Variants in STK24 observed in about 807,000 individuals in gnomAD.
STK24 encodes serine/threonine kinase 24.
A neutral mutation model predicts 55.6 loss-of-function variants in STK24; 21 were observed. That is an observed-to-expected ratio of 0.38 (90% CI 0.27 to 0.54). The LOEUF (loss-of-function observed/expected upper bound fraction) is 0.54. STK24 is among the 20% of genes least tolerant of loss of function. The pLI is 0.79. For synonymous variants in STK24, 200 were observed against 215.2 expected (o/e 0.93, Z 0.62); for missense variants, 383 against 538.4 (o/e 0.71, Z 2.86).
chr13:98,459,112 A>T (rs117391589), intron 9 of STK24, among the ~76,000 whole-genome samples: 5 of 152,184 alleles, frequency 3.3e-5, no homozygotes, highest in African/African-American at 1.2e-4. Context: ...ACTTTCCCTA[A>T]CTGCCTGACT....
chr13:98,556,719 T>C (rs1407213666), intron 1 of STK24, among the ~76,000 whole-genome samples: 1 of 152,180 alleles, frequency 6.6e-6, no homozygotes, highest in East Asian at 1.9e-4. Flanking sequence ...TAGAGGCTTC[T>C]ACCCGATTTT....
chr13:98,518,883 G>C (rs562408829), intron 2 of STK24, among the ~76,000 whole-genome samples: 131 of 152,328 alleles, frequency 8.6e-4, no homozygotes, highest in Admixed American at 1.4e-3. Flanking sequence ...AATATCAAAA[G>C]ATTAACATTC....
intron 2 of STK24, among the ~76,000 whole-genome samples, chr13:98,503,024 G>GGTTTTTTTTTTTTTT (rs759314930): frequency 2.8e-5 from 3 of 107,084 alleles, no homozygotes; most frequent in East Asian, 2.4e-4. Flanking sequence ...CTTTCCATGT[G>GGTTTTTTTTTTTTTT]TTTTTTTTTT....
At chr13:98,542,876 G>A in intron 1 of STK24, 1 of 985,414 alleles carries the variant, frequency 1.0e-6, no homozygotes, top group Non-Finnish European at 1.2e-6. Context: ...TTGAAATCTA[G>A]ACCCCCTCAT....
chr13:98,463,641 C>T, intron 7 of STK24, 50 bp downstream of exon 7: 7 of 1,538,170 alleles, frequency 4.6e-6, no homozygotes, highest in Non-Finnish European at 6.1e-6. Flanking sequence ...TGACAAAGAC[C>T]AGCGGATCCC....
intron 2 of STK24, among the ~76,000 whole-genome samples, chr13:98,513,147 C>T (rs1478652878): frequency 1.3e-5 from 2 of 152,188 alleles, no homozygotes; most frequent in Admixed American, 1.3e-4. Flanking sequence ...GGACACACTG[C>T]CCCGAGTATG....
At chr13:98,542,851 T>C (rs1162714125) in intron 1 of STK24, 16 of 979,682 alleles carry the variant, frequency 1.6e-5, no homozygotes, top group Middle Eastern at 5.2e-4. Flanking sequence ...ACCCTGTATG[T>C]CCGTAAGAGG....
At chr13:98,494,771 T>C (rs539475123) in intron 2 of STK24, among the ~76,000 whole-genome samples, 1 of 152,328 alleles carries the variant, frequency 6.6e-6, no homozygotes, top group Admixed American at 6.5e-5. Context: ...ATAAGTTTGT[T>C]AGCCGAGAGC....
chr13:98,478,383 G>A (rs1256879218), intron 3 of STK24, among the ~76,000 whole-genome samples: 3 of 152,240 alleles, frequency 2.0e-5, no homozygotes, highest in African/African-American at 7.2e-5. Flanking sequence ...GCAGCCTGTG[G>A]TCAGGTGACT....
At chr13:98,556,406 C>T (rs570944811) in intron 1 of STK24, among the ~76,000 whole-genome samples, 2 of 152,330 alleles carry the variant, frequency 1.3e-5, no homozygotes, top group South Asian at 4.1e-4. Flanking sequence ...CCTCACGTTC[C>T]ACTGTACTGG....
At chr13:98,576,179 C>T in intron 1 of STK24, 1 of 985,372 alleles carries the variant, frequency 1.0e-6, no homozygotes, top group Non-Finnish European at 1.2e-6. Context: ...CCGGGCAAAG[C>T]CACTGCAAGT....
chr13:98,537,562 C>T (rs1401277290), intron 1 of STK24, among the ~76,000 whole-genome samples: 1 of 152,200 alleles, frequency 6.6e-6, no homozygotes, highest in Non-Finnish European at 1.5e-5. Flanking sequence ...GGCCTCACTA[C>T]CCACAGCAGG....
intron 9 of STK24, among the ~76,000 whole-genome samples, chr13:98,459,310 G>A (rs915706613): frequency 1.3e-5 from 2 of 152,252 alleles, no homozygotes; most frequent in Admixed American, 6.5e-5. Flanking sequence ...GGGCCTCCGC[G>A]TGCCCTGTGG....
intron 1 of STK24, among the ~76,000 whole-genome samples, chr13:98,567,724 A>T (rs1011144255): frequency 1.3e-5 from 2 of 152,122 alleles, no homozygotes; most frequent in Non-Finnish European, 2.9e-5. Context: ...TAGCTCTTGG[A>T]ATTTCCTCAC....
At chr13:98,502,137 C>A (rs556814310) in intron 2 of STK24, among the ~76,000 whole-genome samples, 1 of 152,316 alleles carries the variant, frequency 6.6e-6, no homozygotes, top group African/African-American at 2.4e-5. Flanking sequence ...TCCCAAAGGA[C>A]AACCCTGCCC....
At chr13:98,463,982 A>C (rs1351015773) in intron 6 of STK24, 146 bp from the exon 7 acceptor site, 5 of 923,048 alleles carry the variant, frequency 5.4e-6, no homozygotes, top group Non-Finnish European at 8.1e-6. Context: ...ACTGCAACTC[A>C]CCCAAAGACG....
intron 1 of STK24, among the ~76,000 whole-genome samples, chr13:98,529,310 T>A (rs1896517760): frequency 6.6e-6 from 1 of 152,122 alleles, no homozygotes; most frequent in Admixed American, 6.5e-5. Context: ...CGTCTCTCCA[T>A]CCAGCCCCTT....
At chr13:98,524,809 G>A (rs562957544) in intron 1 of STK24, among the ~76,000 whole-genome samples, 2 of 152,242 alleles carry the variant, frequency 1.3e-5, no homozygotes, top group South Asian at 2.1e-4. Context: ...GGACCAAGAC[G>A]GCTTAGAAAA....
At chr13:98,546,899 TTG>T (rs1897041647) in intron 1 of STK24, among the ~76,000 whole-genome samples, 1 of 10,846 alleles carries the variant, frequency 9.2e-5, no homozygotes, top group Non-Finnish European at 3.0e-4. Flanking sequence ...TATCTAATTG[TTG>T]TTTTTTTTTG....
Sources: gnomAD v4.1 joint callset for allele counts (sites outside exome capture counted in the v4.1 genomes callset) on GRCh38, gnomAD v4.1.1 for gene constraint, MANE v1.5 for transcripts, NCBI Gene and HGNC (gene_info 2026-07-23, HGNC 2026-07-21) for gene names.